The following FOSL2 variants were observed in gnomAD, a reference collection of about 807,000 sequenced individuals.
FOSL2 encodes the protein FOS like 2, AP-1 transcription factor subunit.
A neutral mutation model predicts 27.7 loss-of-function variants in FOSL2; 3 were observed. The observed-to-expected ratio is 0.11, with a 90% CI of 0.05 to 0.28. The LOEUF (loss-of-function observed/expected upper bound fraction) is 0.28. Ranked by LOEUF, FOSL2 falls within the 10% of genes least tolerant of loss-of-function variation. FOSL2 has a pLI of 1.00. For missense variants in FOSL2, 333 were observed against 445.1 expected, an observed-to-expected ratio of 0.75 and a Z score of 2.27; for synonymous variants, 179 against 190.1, an observed-to-expected ratio of 0.94 and a Z score of 0.48.
In FOSL2 at chr2:28,393,769, A is replaced by G; in HGVS notation, c.49A>G (p.Ser17Gly). 3 of 1,609,648 alleles carry G rather than the reference A, an allele frequency of 1.9e-6. No homozygotes were observed. The highest frequency in any genetic ancestry group is 2.5e-6 in the Non-Finnish European group (3 of 1,178,478). ...CTTTGACACCTCGTCCCGGGGCAGC[A>G]GCGGCTCTCCTGCGCACGCCGAGTC... The part of the protein sequence containing the change: ...GNFDTSSRGS[S>G]GSPAHAESYS... The change falls in exon 1 of 4, where the codon AGC (serine) becomes GGC (glycine). Residue 17 changes from serine (S) to glycine (G), a missense_variant. Ser to Gly is a moderately conservative substitution (Grantham distance 56). Transcript: ENST00000264716. The surrounding 1 kb of genome is among the most constrained non-coding windows in gnomAD (Gnocchi z 4.6).
At chr2:28,396,813 C>CACACACACACACACACAA (rs1553376562) in intron 1 of FOSL2, 30 of 148,488 alleles carry the variant, frequency 2.0e-4, no homozygotes, top group African/African-American at 7.9e-4. Flanking sequence ...CACACACACA[C>CACACACACACACACACAA]ACACACACAC....
rs113243268 is a variant in FOSL2, at chr2:28,393,641, G to C, written c.-80G>C. The C allele has an allele frequency of 5.6e-6, 6 of 1,078,484 alleles. No individual in the cohort carries two copies. Among genetic ancestry groups the C allele is most frequent in the African/African-American group, 3.3e-5 (2 of 60,698 alleles). 66.8% of individuals were successfully genotyped at this position (1,078,484 alleles called of 1,614,324 possible). On this transcript the variant is annotated 5_prime_UTR_variant, in exon 1 of 4. Transcript: ENST00000264716. The surrounding 1 kb of genome is among the most constrained non-coding windows in gnomAD (Gnocchi z 4.6). Reference sequence around the variant, plus strand: ...CGGCGCGGCCGGCGGACGAACGAGCGCGCAGCAGCCGGTGCGCGGCCGCGG... The same window carrying C: ...CGGCGCGGCCGGCGGACGAACGAGCCCGCAGCAGCCGGTGCGCGGCCGCGG...
chr2:28,400,565 C>T (rs1305385076), intron 1 of FOSL2, among the ~76,000 whole-genome samples: 2 of 152,130 alleles, frequency 1.3e-5, no homozygotes, highest in Admixed American at 6.5e-5. Context: ...ATCAGAGCCC[C>T]GGGCCCCTCT....
At chr2:28,402,115 G>A (rs1182432817) in intron 1 of FOSL2, among the ~76,000 whole-genome samples, 1 of 152,264 alleles carries the variant, frequency 6.6e-6, no homozygotes, top group East Asian at 1.9e-4. Context: ...ATTGTGCTGG[G>A]TAACTTTCCT....
chr2:28,411,840 G>A (rs1428517757), intron 3 of FOSL2, 90 bp from the exon 4 acceptor site: 2 of 1,411,702 alleles, frequency 1.4e-6, no homozygotes, highest in African/African-American at 2.8e-5. Flanking sequence ...TGCTCTCACA[G>A]TGTCTGAGAA....
rs1459447958 is a variant in FOSL2 at position 28,415,744 on chromosome 2, A to G, written c.*3296A>G. 1 of 152,250 alleles carries G rather than the reference A, an allele frequency of 6.6e-6. No individual in the cohort carries two copies. The highest frequency in any genetic ancestry group is 1.5e-5 in the Non-Finnish European group (1 of 68,040). The allele number at this position is 152,250 out of a possible 1,614,324, so 9.4% of individuals were successfully genotyped here. A position where few individuals can be genotyped will look rare whatever the true frequency, so the allele number is the denominator to read the frequency against. Reference sequence around the variant, plus strand: ...AGGCGCTTTTATATAGATCCTCGTTAGGATGAGACTAAGGGATGAGGACAT... The same window carrying G: ...AGGCGCTTTTATATAGATCCTCGTTGGGATGAGACTAAGGGATGAGGACAT... On this transcript the variant is annotated 3_prime_UTR_variant, in exon 4 of 4. Coordinates refer to ENST00000264716, the MANE Select transcript of FOSL2 (RefSeq NM_005253.4).
chr2:28,414,403 T>A lies in FOSL2; in HGVS notation c.*1955T>A, dbSNP rs975529293. 3 of 152,160 alleles carry A rather than the reference T, an allele frequency of 2.0e-5. No individual in the cohort carries two copies. The highest frequency in any genetic ancestry group is 7.2e-5 in the African/African-American group (3 of 41,420). 9.4% of individuals were successfully genotyped at this position (152,160 alleles called of 1,614,324 possible). A position where few individuals can be genotyped will look rare whatever the true frequency, so the allele number is the denominator to read the frequency against. On this transcript the variant is annotated 3_prime_UTR_variant, in exon 4 of 4. Coordinates refer to ENST00000264716, the MANE Select transcript of FOSL2 (RefSeq NM_005253.4). ...TACTTTAAAAATGTTATTTCCTGCA[T>A]CCCTTGGCTGTGATGCCCCTCTCCC...
chr2:28,394,922 G>C (rs1025819991), intron 1 of FOSL2, among the ~76,000 whole-genome samples: 12 of 152,196 alleles, frequency 7.9e-5, no homozygotes, highest in African/African-American at 2.9e-4. Flanking sequence ...TCTAGAAGGG[G>C]CTAGGGTGGG....
intron 1 of FOSL2, among the ~76,000 whole-genome samples, chr2:28,400,432 GTTT>G (rs1663945711): frequency 2.4e-5 from 1 of 40,932 alleles, no homozygotes; most frequent in African/African-American, 1.0e-4. Context: ...TGAATAACAC[GTTT>G]CTGAATAACA....
In FOSL2 at chr2:28,416,794, A is replaced by G. The variant is rs1403143068; in HGVS notation, c.*4346A>G. The stretch of plus-strand genomic sequence containing the variant: ...TCTGCCGTGGGAGATGTGTATATAT[A>G]TAGTATTTTGGTGTATAGTAGAAAA... On this transcript the variant is annotated 3_prime_UTR_variant, in exon 4 of 4. Coordinates refer to ENST00000264716, the MANE Select transcript of FOSL2 (RefSeq NM_005253.4). 3 of 152,072 alleles carry G rather than the reference A, an allele frequency of 2.0e-5. No individual in the cohort carries two copies. Among genetic ancestry groups the G allele is most frequent in the Admixed American group, 1.3e-4 (2 of 15,266 alleles). The allele number at this position is 152,072 out of a possible 1,614,324, so 9.4% of individuals were successfully genotyped here. A position where few individuals can be genotyped will look rare whatever the true frequency, so the allele number is the denominator to read the frequency against.
In FOSL2 at chr2:28,413,567, G is replaced by C. The variant is rs539317426; in HGVS notation, c.*1119G>C. 4 of 398,836 alleles carry C rather than the reference G, an allele frequency of 1.0e-5. No individual in the cohort carries two copies. Among genetic ancestry groups the C allele is most frequent in the African/African-American group, 2.1e-5 (1 of 48,776 alleles). 24.7% of individuals were successfully genotyped at this position (398,836 alleles called of 1,614,324 possible). A position where few individuals can be genotyped will look rare whatever the true frequency, so the allele number is the denominator to read the frequency against. On this transcript the variant is annotated 3_prime_UTR_variant, in exon 4 of 4. Coordinates refer to ENST00000264716, the MANE Select transcript of FOSL2 (RefSeq NM_005253.4). ...CAAAGAAGCATTTGCTGAGGATGGA[G>C]AGGCAGGGGAGGGAGGCGGGAGGCC...
chr2:28,409,069 T>C (rs1234547056), intron 3 of FOSL2, among the ~76,000 whole-genome samples: 2 of 152,220 alleles, frequency 1.3e-5, no homozygotes, highest in African/African-American at 4.8e-5. Flanking sequence ...AGGTGGCGTT[T>C]AGCACCAGCC....
chr2:28,410,370 T>C (rs1203025891), intron 3 of FOSL2: 2 of 176,852 alleles, frequency 1.1e-5, no homozygotes, highest in South Asian at 1.9e-4. Flanking sequence ...TCCTCTACTT[T>C]CCTTCCCTCC....
intron 1 of FOSL2, among the ~76,000 whole-genome samples, chr2:28,401,132 G>A (rs1303922635): frequency 6.6e-6 from 1 of 151,860 alleles, no homozygotes; most frequent in Non-Finnish European, 1.5e-5. Flanking sequence ...CCTGGGCAGA[G>A]TACACAGGCA....
chr2:28,408,701 A>G lies in FOSL2; in HGVS notation c.355-58A>G, dbSNP rs1189801488. On this transcript the variant is annotated intron_variant, in intron 2 of 3. Coordinates refer to ENST00000264716, the MANE Select transcript of FOSL2 (RefSeq NM_005253.4). The surrounding 1 kb of genome is among the most constrained non-coding windows in gnomAD (Gnocchi z 4.1). ...TGCCTTACTTAAAATACAGTTTTTA[A>G]AAAATACTGTGAACCATTGTCTCTG... 1 of 1,286,982 alleles carries G rather than the reference A, an allele frequency of 7.8e-7. No homozygotes were observed. Among genetic ancestry groups the G allele is most frequent in the Non-Finnish European group, 1.1e-6 (1 of 935,486 alleles). The allele number at this position is 1,286,982 out of a possible 1,614,324, so 79.7% of individuals were successfully genotyped here.
chr2:28,395,156 A>G (rs1663788004), intron 1 of FOSL2, among the ~76,000 whole-genome samples: 2 of 152,228 alleles, frequency 1.3e-5, no homozygotes, highest in African/African-American at 4.8e-5. Flanking sequence ...CTTCGTAATG[A>G]GCACCAAGGT....
chr2:28,397,294 T>A (rs1329854024), intron 1 of FOSL2, among the ~76,000 whole-genome samples: 2 of 152,196 alleles, frequency 1.3e-5, no homozygotes, highest in Admixed American at 1.3e-4. Context: ...GCCTTCACAG[T>A]TTGTTCAAAT....
At position 28,412,080 on chromosome 2, in the gene FOSL2, G is replaced by T; in HGVS notation, c.613G>T (p.Gly205Trp). ...GGAGCGCCGATCGCCCCCAGCCCCTGGGCTGCAGCCCATGCGCAGTGGGGG... is the reference window on the plus strand; with the variant it reads ...GGAGCGCCGATCGCCCCCAGCCCCTTGGCTGCAGCCCATGCGCAGTGGGGG... ...PEERRSPPAP[G>W]LQPMRSGGGS... Residue 205 changes from glycine to tryptophan, a missense_variant, in exon 4 of 4, where the codon GGG (glycine) becomes TGG (tryptophan). Coordinates refer to ENST00000264716, the MANE Select transcript of FOSL2 (RefSeq NM_005253.4). The surrounding 1 kb of genome is among the most constrained non-coding windows in gnomAD (Gnocchi z 7.1). 1 of 1,607,076 alleles carries T rather than the reference G, an allele frequency of 6.2e-7. No individual in the cohort carries two copies.
intron 2 of FOSL2, among the ~76,000 whole-genome samples, chr2:28,406,823 C>T (rs1371151861): frequency 6.6e-6 from 1 of 152,222 alleles, no homozygotes; most frequent in Non-Finnish European, 1.5e-5. Flanking sequence ...CCCAGCCTCC[C>T]TGCTAGGGAG....
Sources: allele counts gnomAD v4.1 joint callset (sites outside exome capture counted in the v4.1 genomes callset), GRCh38; gene constraint gnomAD v4.1.1; non-coding constraint Gnocchi (gnomAD v3.1); transcripts MANE v1.5; gene names NCBI Gene and HGNC (gene_info 2026-07-23, HGNC 2026-07-21).